Variants in RPS6KC1 observed in about 807,000 individuals in gnomAD.
The protein encoded by RPS6KC1 is ribosomal protein S6 kinase C1, also known as inactive ribosomal protein S6 kinase delta-1.
Under a neutral mutation model 103.8 loss-of-function variants are expected in RPS6KC1, and 54 were observed. The ratio of observed to expected loss-of-function variants is 0.52; its 90% CI spans 0.42 to 0.65. RPS6KC1 has a LOEUF of 0.65. Ranked by LOEUF, RPS6KC1 falls within the 30% of genes least tolerant of loss-of-function variation. The pLI is 0.00. For synonymous variants in RPS6KC1, 439 were observed against 438.7 expected (o/e 1.00, Z -0.01); for missense variants, 1,151 against 1,253.8 (o/e 0.92, Z 1.24).
the RPS6KC1 span, among the ~76,000 whole-genome samples, chr1:213,740,110 T>G: frequency 2.8e-4 from 43 of 152,058 alleles, no homozygotes; most frequent in African/African-American, 1.0e-3. Context: ...AACAGAGAAA[T>G]AAGTAATTTA....
intron 8 of RPS6KC1, among the ~76,000 whole-genome samples, chr1:213,219,009 A>G (rs2093748430): frequency 6.6e-6 from 1 of 152,220 alleles, no homozygotes; most frequent in South Asian, 2.1e-4. Context: ...AGAATTGACA[A>G]ATGGTATCTA....
At chr1:213,494,873 GA>G in the RPS6KC1 span, among the ~76,000 whole-genome samples, 7 of 145,328 alleles carry the variant, frequency 4.8e-5, no homozygotes, top group East Asian at 4.0e-4. Flanking sequence ...TAGACATCCT[GA>G]AAAAAAAAAG....
At chr1:213,442,278 G>GAA in the RPS6KC1 span, among the ~76,000 whole-genome samples, 1 of 152,166 alleles carries the variant, frequency 6.6e-6, no homozygotes, top group Admixed American at 6.5e-5. Flanking sequence ...TAGCCCTTTT[G>GAA]AAGGCAGGGA....
At chr1:213,111,693 G>A (rs376654325) in intron 4 of RPS6KC1, among the ~76,000 whole-genome samples, 4 of 152,068 alleles carry the variant, frequency 2.6e-5, no homozygotes, top group African/African-American at 7.2e-5. Context: ...ATAAAATAAT[G>A]TCTTAGTTAG....
chr1:213,271,561 C>T (rs1452559888), intron 14 of RPS6KC1, among the ~76,000 whole-genome samples: 1 of 151,986 alleles, frequency 6.6e-6, no homozygotes, highest in Non-Finnish European at 1.5e-5. Flanking sequence ...GTCAGGAGAT[C>T]GAGACCATCC....
the RPS6KC1 span, among the ~76,000 whole-genome samples, chr1:213,533,093 T>C: frequency 6.6e-6 from 1 of 152,116 alleles, no homozygotes; most frequent in South Asian, 2.1e-4. Context: ...ACAGAGTGCT[T>C]CGATCAGAGC....
chr1:213,229,300 ATTC>A (rs1347601737), intron 8 of RPS6KC1, among the ~76,000 whole-genome samples: 1 of 152,060 alleles, frequency 6.6e-6, no homozygotes, highest in African/African-American at 2.4e-5. Context: ...CCTTTTAAAA[ATTC>A]TTCTATTTTT....
At chr1:213,536,933 T>G in the RPS6KC1 span, among the ~76,000 whole-genome samples, 1 of 152,114 alleles carries the variant, frequency 6.6e-6, no homozygotes, top group African/African-American at 2.4e-5. Context: ...ATATACAGAA[T>G]TGGTCCGGTG....
At chr1:213,679,260 G>A in the RPS6KC1 span, among the ~76,000 whole-genome samples, 37 of 152,314 alleles carry the variant, frequency 2.4e-4, no homozygotes, top group East Asian at 6.4e-3. Flanking sequence ...TTTGCAAAAT[G>A]GGGATAATAA....
intron 14 of RPS6KC1, among the ~76,000 whole-genome samples, chr1:213,263,124 T>C (rs1558656452): frequency 6.6e-6 from 1 of 152,194 alleles, no homozygotes; most frequent in Non-Finnish European, 1.5e-5. Context: ...CTGAGGCTGC[T>C]CTAATTTTGC....
the RPS6KC1 span, among the ~76,000 whole-genome samples, chr1:213,638,174 AT>A: frequency 2.6e-5 from 4 of 151,980 alleles, no homozygotes; most frequent in Non-Finnish European, 5.9e-5. Context: ...AGCATCTTTT[AT>A]TTGCCCTATA....
the RPS6KC1 span, among the ~76,000 whole-genome samples, chr1:213,654,857 T>C: frequency 3.3e-5 from 5 of 152,150 alleles, no homozygotes; most frequent in Admixed American, 3.3e-4. Flanking sequence ...GGTACTTTCA[T>C]TGTAACATTG....
At chr1:213,120,476 A>G (rs1009423735) in intron 5 of RPS6KC1, among the ~76,000 whole-genome samples, 3 of 152,182 alleles carry the variant, frequency 2.0e-5, no homozygotes, top group Non-Finnish European at 2.9e-5. Flanking sequence ...TCATACCAAA[A>G]GGTCTGCAAA....
chr1:213,182,476 G>A lies in RPS6KC1; in HGVS notation c.1044+5984G>A, dbSNP rs376681719. ...ACCGCACTCCAGCCTGAGCAACAGA[G>A]TGAGACTCCATCTCAAACAAACAAA... On this transcript the variant is annotated intron_variant, in intron 8 of 14. Transcript: ENST00000366960. Among the ~76,000 whole-genome samples the A allele has an allele frequency of 7.9e-5, 12 of 152,226 alleles. No homozygotes were observed. In the East Asian group the frequency reaches 1.5e-3, roughly 20 times the overall value.
At chr1:213,844,133 G>T in the RPS6KC1 span, among the ~76,000 whole-genome samples, 6 of 152,120 alleles carry the variant, frequency 3.9e-5, no homozygotes, top group Non-Finnish European at 8.8e-5. Context: ...GCTGAACAAT[G>T]CACACATTGT....
the RPS6KC1 span, among the ~76,000 whole-genome samples, chr1:213,526,584 G>A: frequency 1.3e-5 from 2 of 152,150 alleles, no homozygotes; most frequent in Non-Finnish European, 2.9e-5. Flanking sequence ...AATAAAATCT[G>A]TTGGAAAGAA....
intron 8 of RPS6KC1, among the ~76,000 whole-genome samples, chr1:213,225,654 G>T (rs1453803264): frequency 2.0e-5 from 3 of 152,182 alleles, no homozygotes; most frequent in African/African-American, 7.2e-5. Context: ...CTCCCAAAAT[G>T]CTGGGATTAC....
rs191838083 is a variant in RPS6KC1, at chr1:213,129,671, C to T, written c.617C>T (p.Ala206Val). Residue 206 changes from alanine to valine, a missense_variant, in exon 6 of 15, where the codon GCT becomes GTT. By Grantham distance (64) the Ala-to-Val change is moderately conservative. Around this residue, in one of 3 missense-constraint regions of RPS6KC1, gnomAD observed 959 missense variants for 1,006.3 expected, o/e 0.95. Transcript: ENST00000366960. ...NLSSDSSALG[A>V]VASDSEQSKT... ...TCTTCGGATTCTTCAGCACTAGGGG[C>T]TGTTGCTTCTGACAGTGAACAGAGC... is the stretch of plus-strand genomic sequence containing the variant. 1 of 1,614,022 alleles carries T rather than the reference C, an allele frequency of 6.2e-7. No homozygotes were observed. The highest frequency in any genetic ancestry group is 2.2e-5 in the East Asian group (1 of 44,864).
At chr1:213,080,242 T>C (rs776958303) in intron 3 of RPS6KC1, among the ~76,000 whole-genome samples, 2 of 152,102 alleles carry the variant, frequency 1.3e-5, no homozygotes, top group Admixed American at 6.5e-5. Flanking sequence ...TTAACAACTT[T>C]TACGTATCTA....
Sources: allele counts gnomAD v4.1 joint callset (sites outside exome capture counted in the v4.1 genomes callset), GRCh38; gene constraint gnomAD v4.1.1; regional missense constraint gnomAD v4.1.1; transcripts MANE v1.5; gene names NCBI Gene and HGNC (gene_info 2026-07-23, HGNC 2026-07-21).